PPM1L: variants seen among roughly 807,000 people sequenced by gnomAD.
PPM1L encodes the protein protein phosphatase, Mg2+/Mn2+ dependent 1L, also known as protein phosphatase 1L.
PPM1L carries 13 observed loss-of-function variants against 31.4 expected under a neutral mutation model. The ratio of observed to expected loss-of-function variants is 0.41; its 90% CI spans 0.27 to 0.66. The LOEUF (loss-of-function observed/expected upper bound fraction) is 0.66. Among genes scored for constraint, PPM1L ranks in the 30% least tolerant of loss-of-function variants. PPM1L has a pLI of 0.29. For synonymous variants in PPM1L, 184 were observed against 175.4 expected, an observed-to-expected ratio of 1.05 and a Z score of -0.39; for missense variants, 326 against 453.7, an observed-to-expected ratio of 0.72 and a Z score of 2.56.
At chr3:160,921,306 T>G (rs1262891178) in intron 1 of PPM1L, among the ~76,000 whole-genome samples, 2 of 152,098 alleles carry the variant, frequency 1.3e-5, no homozygotes, top group Non-Finnish European at 2.9e-5. Context: ...AGGCAGTGAG[T>G]GATATGAGAT....
At chr3:160,912,652 A>G (rs921560251) in intron 1 of PPM1L, among the ~76,000 whole-genome samples, 1 of 152,234 alleles carries the variant, frequency 6.6e-6, no homozygotes, top group Non-Finnish European at 1.5e-5. Flanking sequence ...CAAAAGAGTT[A>G]TGGGCTCAGA....
At position 160,850,021 on chromosome 3, in the gene PPM1L, C is replaced by T. The variant is rs531943655; in HGVS notation, c.399+93314C>T. 2.0e-5 allele frequency among the ~76,000 whole-genome samples: 3 copies of T among 152,294 alleles called. No homozygotes were observed. In the South Asian group the frequency reaches 6.2e-4, roughly 32 times the overall value. On this transcript the variant is annotated intron_variant, in intron 1 of 3. Coordinates refer to ENST00000498165, the MANE Select transcript of PPM1L (RefSeq NM_139245.4). ...ACGCAGTTCTGACACTATCTACCCA[C>T]AGGTTAAGGGCTCAGTCCCACAAGA...
intron 1 of PPM1L, among the ~76,000 whole-genome samples, chr3:160,814,747 A>G (rs544873665): frequency 4.4e-4 from 55 of 125,086 alleles, no homozygotes; most frequent in African/African-American, 1.3e-3. Context: ...ATATATGTGT[A>G]TATATATATG....
At chr3:160,816,200 A>G (rs1055972766) in intron 1 of PPM1L, among the ~76,000 whole-genome samples, 4 of 151,852 alleles carry the variant, frequency 2.6e-5, no homozygotes, top group Admixed American at 6.6e-5. Flanking sequence ...ATTGGGGACA[A>G]TGGAGAAAGG....
intron 1 of PPM1L, among the ~76,000 whole-genome samples, chr3:160,958,870 G>T (rs1192402017): frequency 6.6e-6 from 1 of 152,102 alleles, no homozygotes; most frequent in Non-Finnish European, 1.5e-5. Flanking sequence ...CATTGTTCTG[G>T]CAAGTTTCTT....
At chr3:160,943,848 T>C (rs2108089459) in intron 1 of PPM1L, among the ~76,000 whole-genome samples, 1 of 152,304 alleles carries the variant, frequency 6.6e-6, no homozygotes, top group South Asian at 2.1e-4. Context: ...TTGACTTATT[T>C]AGTGACTTCT....
chr3:160,948,245 C>T, intron 1 of PPM1L, among the ~76,000 whole-genome samples: 1 of 152,124 alleles, frequency 6.6e-6, no homozygotes, highest in East Asian at 1.9e-4. Flanking sequence ...TAAAATATGT[C>T]ATTTTCTATT....
At chr3:160,757,684 A>G (rs535173121) in intron 1 of PPM1L, among the ~76,000 whole-genome samples, 1 of 152,172 alleles carries the variant, frequency 6.6e-6, no homozygotes, top group Non-Finnish European at 1.5e-5. Flanking sequence ...CCATCTCTCA[A>G]ATTGGCGGTT....
chr3:161,042,357 CA>C (rs1352117957), intron 2 of PPM1L, among the ~76,000 whole-genome samples: 1 of 152,180 alleles, frequency 6.6e-6, no homozygotes. Context: ...ACCAGCCTAG[CA>C]AGCAGATGAG....
At chr3:160,921,918 C>T (rs1714419346) in intron 1 of PPM1L, among the ~76,000 whole-genome samples, 1 of 152,264 alleles carries the variant, frequency 6.6e-6, no homozygotes, top group Non-Finnish European at 1.5e-5. Flanking sequence ...TTTGTCTCAT[C>T]ACCAACTAAG....
intron 2 of PPM1L, among the ~76,000 whole-genome samples, chr3:160,978,241 T>G (rs889186872): frequency 6.6e-6 from 1 of 152,196 alleles, no homozygotes; most frequent in Non-Finnish European, 1.5e-5. Context: ...AGACATTAAC[T>G]TCCCTGAATT....
chr3:161,047,965 A>C (rs1576805567), intron 2 of PPM1L, among the ~76,000 whole-genome samples: 1 of 152,352 alleles, frequency 6.6e-6, no homozygotes, highest in Middle Eastern at 3.4e-3. Flanking sequence ...TAAATGTTAG[A>C]CCTAAAACCA....
chr3:160,792,747 A>G (rs553556761), intron 1 of PPM1L, among the ~76,000 whole-genome samples: 3 of 152,328 alleles, frequency 2.0e-5, no homozygotes, highest in East Asian at 1.9e-4. Flanking sequence ...GTAATTTGCT[A>G]GAATGATTCA....
At chr3:161,054,436 G>A (rs904423737) in intron 2 of PPM1L, among the ~76,000 whole-genome samples, 24 of 151,968 alleles carry the variant, frequency 1.6e-4, no homozygotes, top group Admixed American at 4.6e-4. Context: ...TGCCCATATG[G>A]TTGTGTATGT....
At chr3:160,771,545 T>C (rs1480931173) in intron 1 of PPM1L, among the ~76,000 whole-genome samples, 1 of 121,934 alleles carries the variant, frequency 8.2e-6, no homozygotes, top group African/African-American at 3.8e-5. Context: ...GGCTGGCTCT[T>C]TTTTTTTTTT....
intron 2 of PPM1L, among the ~76,000 whole-genome samples, chr3:161,035,086 G>A (rs1430615513): frequency 6.6e-6 from 1 of 151,654 alleles, no homozygotes; most frequent in Non-Finnish European, 1.5e-5. Flanking sequence ...GCCTGTCAGG[G>A]GGTGGGGGGC....
intron 1 of PPM1L, among the ~76,000 whole-genome samples, chr3:160,960,114 G>A (rs1017258848): frequency 1.5e-4 from 22 of 151,412 alleles, no homozygotes; most frequent in South Asian, 8.3e-4. Flanking sequence ...CTCTATAAAT[G>A]AAAAAAACTG....
intron 1 of PPM1L, among the ~76,000 whole-genome samples, chr3:160,845,093 C>A (rs1420853252): frequency 1.3e-5 from 2 of 152,064 alleles, no homozygotes; most frequent in African/African-American, 2.4e-5. Context: ...CTTTTCATTG[C>A]AGAATAATAT....
intron 1 of PPM1L, among the ~76,000 whole-genome samples, chr3:160,898,418 A>G (rs1205033377): frequency 6.6e-6 from 1 of 152,222 alleles, no homozygotes; most frequent in Non-Finnish European, 1.5e-5. Flanking sequence ...TATATTAATG[A>G]GAAGTGAGAC....
Sources: allele counts gnomAD v4.1 joint callset (sites outside exome capture counted in the v4.1 genomes callset), GRCh38; gene constraint gnomAD v4.1.1; transcripts MANE v1.5; gene names NCBI Gene and HGNC (gene_info 2026-07-23, HGNC 2026-07-21).